DSCAML1: variants seen among roughly 807,000 people sequenced by gnomAD.
The protein encoded by DSCAML1 is cell adhesion molecule DSCAML1.
DSCAML1 carries 38 observed loss-of-function variants against 200.5 expected under a neutral mutation model. The ratio of observed to expected loss-of-function variants is 0.19; its 90% CI spans 0.15 to 0.25. DSCAML1 has a LOEUF of 0.25. Among genes scored for constraint, DSCAML1 ranks in the 10% least tolerant of loss-of-function variants. The pLI is 1.00. For synonymous variants in DSCAML1, 1,215 were observed against 1,165.0 expected (o/e 1.04, Z -0.87); for missense variants, 2,223 against 2,858.8 (o/e 0.78, Z 5.07).
At chr11:117,661,402 C>A (rs2052846720) in intron 3 of DSCAML1, among the ~76,000 whole-genome samples, 1 of 152,224 alleles carries the variant, frequency 6.6e-6, no homozygotes, top group African/African-American at 2.4e-5. Flanking sequence ...ATAGTGAATA[C>A]ACAGTGTACC....
chr11:117,577,818 C>T (rs1200389883), intron 3 of DSCAML1, among the ~76,000 whole-genome samples: 1 of 151,804 alleles, frequency 6.6e-6, no homozygotes, highest in Non-Finnish European at 1.5e-5. Flanking sequence ...CCACCCGCCT[C>T]GGTCTACCAA....
At chr11:117,698,483 A>C (rs1291854738) in intron 3 of DSCAML1, among the ~76,000 whole-genome samples, 1 of 152,196 alleles carries the variant, frequency 6.6e-6, no homozygotes, top group African/African-American at 2.4e-5. Flanking sequence ...GAACTATCAT[A>C]CTGTTTTCCA....
chr11:117,688,394 G>A (rs1009305546), intron 3 of DSCAML1, among the ~76,000 whole-genome samples: 1 of 152,186 alleles, frequency 6.6e-6, no homozygotes, highest in African/African-American at 2.4e-5. Context: ...TCCTGACAAT[G>A]GTCTCAGTCC....
chr11:117,578,499 C>T (rs575143890), intron 3 of DSCAML1, among the ~76,000 whole-genome samples: 1 of 151,698 alleles, frequency 6.6e-6, no homozygotes, highest in Admixed American at 6.6e-5. Context: ...AGCAAGACCC[C>T]ATCTCTAAAA....
chr11:117,506,691 G>A (rs571467069), intron 8 of DSCAML1, among the ~76,000 whole-genome samples: 9 of 151,372 alleles, frequency 5.9e-5, no homozygotes, highest in African/African-American at 1.9e-4. Flanking sequence ...GGGAATGCAG[G>A]TATACACCAC....
intron 3 of DSCAML1, among the ~76,000 whole-genome samples, chr11:117,771,769 GA>G (rs2055043926): frequency 6.6e-6 from 1 of 152,032 alleles, no homozygotes; most frequent in African/African-American, 2.4e-5. Flanking sequence ...AACAAAAACA[GA>G]ACATAAAAAC....
chr11:117,786,951 A>G (rs2055366219), intron 1 of DSCAML1, among the ~76,000 whole-genome samples: 1 of 152,136 alleles, frequency 6.6e-6, no homozygotes, highest in Non-Finnish European at 1.5e-5. Flanking sequence ...AGGGGACAGG[A>G]GGAATGGTCA....
intron 3 of DSCAML1, among the ~76,000 whole-genome samples, chr11:117,726,034 A>G (rs915118821): frequency 6.6e-6 from 1 of 152,170 alleles, no homozygotes; most frequent in African/African-American, 2.4e-5. Context: ...TCAGGCAGCC[A>G]GGCTGGCCAT....
chr11:117,588,498 C>T (rs2051194534), intron 3 of DSCAML1, among the ~76,000 whole-genome samples: 1 of 152,174 alleles, frequency 6.6e-6, no homozygotes. Context: ...CCTGCAGTCC[C>T]CTGAGCCGGT....
In DSCAML1 at chr11:117,542,325, A is replaced by C. The variant is rs1318992061; in HGVS notation, c.512-9803T>G. 8.1e-3 allele frequency among the ~76,000 whole-genome samples: 1,028 copies of C among 126,154 alleles called. 15 individuals carry two copies. Among genetic ancestry groups the C allele is most frequent in the African/African-American group, 0.025 (900 of 35,596 alleles). 82.8% of individuals were successfully genotyped at this position (126,154 alleles called of 152,430 possible). ...AACAAAACAAAACAAAACAAAACAA[A>C]ACACAAAAACAACAACAACAACAAC... On this transcript the variant is annotated intron_variant, in intron 3 of 32. Coordinates refer to ENST00000651296, the MANE Select transcript of DSCAML1 (RefSeq NM_020693.4).
intron 3 of DSCAML1, among the ~76,000 whole-genome samples, chr11:117,693,551 TG>T (rs1290773803): frequency 6.6e-6 from 1 of 152,200 alleles, no homozygotes; most frequent in Non-Finnish European, 1.5e-5. Context: ...CTACATTCTT[TG>T]GACATGATTG....
rs201810125 is a variant in DSCAML1 at position 117,780,201 on chromosome 11, GAA to G, written c.364+290_364+291del. Among the ~76,000 whole-genome samples the G allele has an allele frequency of 0.039, 1,710 of 44,338 alleles. 132 individuals carry two copies. The highest frequency in any genetic ancestry group is 0.11 in the African/African-American group (1,616 of 15,000). The allele number at this position is 44,338 out of a possible 152,430, so 29.1% of individuals were successfully genotyped here. A position where few individuals can be genotyped will look rare whatever the true frequency, so the allele number is the denominator to read the frequency against. ...AAAGAAAAAAAGAAAGAAAGAAAGAGAAAGAAAGAGAGAGAGAGAAAGAAAGA... is the reference window on the plus strand; with the variant it reads ...AAAGAAAAAAAGAAAGAAAGAAAGAGAGAAAGAGAGAGAGAGAAAGAAAGA... On this transcript the variant is annotated intron_variant, in intron 2 of 32. Transcript: ENST00000651296. The surrounding 1 kb of genome is among the most constrained non-coding windows in gnomAD (Gnocchi z 4.8).
chr11:117,558,946 G>T (rs1397293057), intron 3 of DSCAML1, among the ~76,000 whole-genome samples: 1 of 152,172 alleles, frequency 6.6e-6, no homozygotes, highest in African/African-American at 2.4e-5. Context: ...CCAGGGCCAG[G>T]TGGTGGTGCC....
upstream of DSCAML1, among the ~76,000 whole-genome samples, chr11:117,802,232 T>C (rs1189951677): frequency 6.6e-6 from 1 of 152,162 alleles, no homozygotes; most frequent in Non-Finnish European, 1.5e-5. Flanking sequence ...TGTTTAAGGC[T>C]TCCCATTCAG....
At chr11:117,454,249 G>A (rs10790187) in intron 19 of DSCAML1, among the ~76,000 whole-genome samples, 62,020 of 151,838 alleles carry the variant, frequency 0.41, 13,610 homozygotes, top group Non-Finnish European at 0.49. Context: ...GATTCCACCT[G>A]AGACCTGCCA....
intron 3 of DSCAML1, among the ~76,000 whole-genome samples, chr11:117,736,531 G>T (rs1245038864): frequency 6.6e-6 from 1 of 152,220 alleles, no homozygotes; most frequent in Non-Finnish European, 1.5e-5. Context: ...GACCCAAGAG[G>T]GAGGATGGTT....
At chr11:117,627,240 G>A (rs1026123772) in intron 3 of DSCAML1, among the ~76,000 whole-genome samples, 1 of 151,894 alleles carries the variant, frequency 6.6e-6, no homozygotes, top group Admixed American at 6.6e-5. Context: ...TTTCCCTTCC[G>A]CCCCCGGTCT....
At chr11:117,566,418 G>A (rs886603331) in intron 3 of DSCAML1, among the ~76,000 whole-genome samples, 8 of 145,680 alleles carry the variant, frequency 5.5e-5, no homozygotes, top group African/African-American at 1.5e-4. Context: ...TGCAATCACC[G>A]CTCACTGCAA....
intron 18 of DSCAML1, among the ~76,000 whole-genome samples, chr11:117,459,127 C>A (rs2048430059): frequency 6.6e-6 from 1 of 152,228 alleles, no homozygotes; most frequent in African/African-American, 2.4e-5. Context: ...TGAGGGCGAG[C>A]CACAGATGCT....
Sources: allele counts gnomAD v4.1 joint callset (sites outside exome capture counted in the v4.1 genomes callset), GRCh38; gene constraint gnomAD v4.1.1; non-coding constraint Gnocchi (gnomAD v3.1); transcripts MANE v1.5; gene names NCBI Gene and HGNC (gene_info 2026-07-23, HGNC 2026-07-21).